ASAP1: variants seen among roughly 807,000 people sequenced by gnomAD.
ASAP1 encodes arf-GAP with SH3 domain, ANK repeat and PH domain-containing protein 1.
In ASAP1, 43 loss-of-function variants were observed where a neutral mutation model predicts 145.2. The observed-to-expected ratio is 0.30, with a 90% confidence interval of 0.23 to 0.38. The LOEUF (loss-of-function observed/expected upper bound fraction) is 0.38, where lower values mean the gene tolerates loss of function less well. Ranked by LOEUF, ASAP1 falls within the 10% of genes least tolerant of loss-of-function variation. ASAP1 has a pLI of 1.00. For missense variants in ASAP1, 1,018 were observed against 1,355.3 expected, an observed-to-expected ratio of 0.75 and a Z score of 3.91; for synonymous variants, 546 against 515.5, an observed-to-expected ratio of 1.06 and a Z score of -0.80.
At chr8:130,247,231 TG>T (rs11315329) in intron 3 of ASAP1, among the ~76,000 whole-genome samples, 44,674 of 152,030 alleles carry the variant, frequency 0.29, 6,622 homozygotes, top group Admixed American at 0.31. Context: ...AGTCTGATTT[TG>T]GTTCATTCTT....
chr8:130,225,675 T>C (rs985925316), intron 4 of ASAP1, among the ~76,000 whole-genome samples: 1 of 152,168 alleles, frequency 6.6e-6, no homozygotes, highest in Non-Finnish European at 1.5e-5. Flanking sequence ...GAGCAGAAAC[T>C]TGAAAAATGA....
chr8:130,236,028 G>A (rs1818193660), intron 4 of ASAP1, among the ~76,000 whole-genome samples: 2 of 152,038 alleles, frequency 1.3e-5, no homozygotes, highest in East Asian at 3.9e-4. Context: ...TCAAGAAGGA[G>A]AAATAACCAG....
intron 1 of ASAP1, among the ~76,000 whole-genome samples, chr8:130,435,159 T>G (rs1371007970): frequency 1.3e-5 from 2 of 152,140 alleles, no homozygotes; most frequent in Non-Finnish European, 1.5e-5. Flanking sequence ...TACCATCCCC[T>G]TTACGCAGGT....
chr8:130,169,103 TAAAA>T, intron 9 of ASAP1, 36 bp from the exon 10 acceptor site: 4 of 1,058,840 alleles, frequency 3.8e-6, no homozygotes, highest in Non-Finnish European at 5.2e-6. Flanking sequence ...ACCACCAGTA[TAAAA>T]AAAAAAGAGT....
At chr8:130,377,525 C>T (rs781287113) in intron 2 of ASAP1, among the ~76,000 whole-genome samples, 4 of 152,124 alleles carry the variant, frequency 2.6e-5, no homozygotes, top group Non-Finnish European at 5.9e-5. Flanking sequence ...TGCTGAGTAC[C>T]GGGATGTAAA....
In ASAP1 at chr8:130,358,959, G is replaced by A. The variant is rs904082429; in HGVS notation, c.60-816C>T. Among the ~76,000 whole-genome samples, 5 of 152,070 alleles carry A rather than the reference G, an allele frequency of 3.3e-5. No individual in the cohort carries two copies. Among genetic ancestry groups the A allele is most frequent in the African/African-American group, 9.7e-5 (4 of 41,432 alleles). On this transcript the variant is annotated intron_variant, in intron 2 of 29. Coordinates refer to ENST00000518721, the MANE Select transcript of ASAP1 (RefSeq NM_018482.4). The surrounding 1 kb of genome is among the most constrained non-coding windows in gnomAD (Gnocchi z 4.1). ...TCTTTTTTAGTCGCGTGTGGGTGCA[G>A]GAAGTGAGGCCCCGGGAGAGCCGCC...
At chr8:130,200,332 G>T (rs1019357577) in intron 5 of ASAP1, among the ~76,000 whole-genome samples, 2 of 152,132 alleles carry the variant, frequency 1.3e-5, no homozygotes, top group Non-Finnish European at 2.9e-5. Context: ...TGTGCCTCTG[G>T]GTTCTGCAGA....
intron 27 of ASAP1, among the ~76,000 whole-genome samples, chr8:130,062,845 A>C (rs551119852): frequency 6.6e-6 from 1 of 152,252 alleles, no homozygotes; most frequent in South Asian, 2.1e-4. Context: ...GTGGTGGTAC[A>C]TGCCTGCAGT....
intron 5 of ASAP1, among the ~76,000 whole-genome samples, chr8:130,198,608 T>C (rs1815668332): frequency 6.6e-6 from 1 of 152,208 alleles, no homozygotes; most frequent in Non-Finnish European, 1.5e-5. Flanking sequence ...ATCTAACATA[T>C]ATTATCTAAA....
At chr8:130,237,025 A>C in intron 3 of ASAP1, 31 bp from the exon 4 acceptor site, 1 of 1,483,608 alleles carries the variant, frequency 6.7e-7, no homozygotes, top group Non-Finnish European at 9.1e-7. Flanking sequence ...AAAAGATATT[A>C]GAAGATTTGG....
At chr8:130,136,841 C>T in intron 14 of ASAP1, 110 bp downstream of exon 14, 1 of 918,450 alleles carries the variant, frequency 1.1e-6, no homozygotes, top group South Asian at 1.4e-5. Context: ...ATAACTGTTC[C>T]AATGCCAACT....
At chr8:130,182,428 A>C (rs991966013) in intron 7 of ASAP1, among the ~76,000 whole-genome samples, 2 of 152,196 alleles carry the variant, frequency 1.3e-5, no homozygotes, top group Admixed American at 1.3e-4. Flanking sequence ...TAGCTTCCAA[A>C]ATGCCACCAT....
intron 11 of ASAP1, among the ~76,000 whole-genome samples, chr8:130,166,201 C>G (rs768369586): frequency 2.6e-5 from 4 of 152,090 alleles, no homozygotes; most frequent in Non-Finnish European, 5.9e-5. Flanking sequence ...TAGACACAGG[C>G]TCTTACTTTG....
intron 3 of ASAP1, among the ~76,000 whole-genome samples, chr8:130,304,322 T>C (rs958901084): frequency 3.3e-5 from 5 of 152,164 alleles, no homozygotes; most frequent in Admixed American, 1.3e-4. Flanking sequence ...TAAGTAGATA[T>C]GAACACCTAA....
intron 3 of ASAP1, among the ~76,000 whole-genome samples, chr8:130,307,445 C>G (rs757238474): frequency 6.6e-6 from 1 of 152,142 alleles, no homozygotes; most frequent in Admixed American, 6.5e-5. Flanking sequence ...GTCTAAGCCA[C>G]GCCAAGTAGA....
intron 24 of ASAP1, among the ~76,000 whole-genome samples, chr8:130,092,444 C>T (rs1251355873): frequency 2.0e-5 from 3 of 152,036 alleles, no homozygotes; most frequent in African/African-American, 7.2e-5. Context: ...CTGGGTAACA[C>T]AGCAAGACGC....
chr8:130,188,076 G>C lies in ASAP1; in HGVS notation c.480+33C>G, dbSNP rs767732645. The C allele has an allele frequency of 4.7e-6, 7 of 1,503,956 alleles. No homozygotes were observed. In the Admixed American group the frequency reaches 5.2e-5, roughly 11 times the overall value. The allele number at this position is 1,503,956 out of a possible 1,614,324, so 93.2% of individuals were successfully genotyped here. A position where few individuals can be genotyped will look rare whatever the true frequency, so the allele number is the denominator to read the frequency against. ...GGAAAAAAAAAATTAATCCTTTCAA[G>C]TTAAAGTGAAAATCAAATTTCTGAA... On this transcript the variant is annotated intron_variant, in intron 6 of 29. Transcript: ENST00000518721.
At chr8:130,286,900 AAGAT>A (rs1290483462) in intron 3 of ASAP1, among the ~76,000 whole-genome samples, 1 of 152,222 alleles carries the variant, frequency 6.6e-6, no homozygotes, top group Non-Finnish European at 1.5e-5. Context: ...TAAACAAGGT[AAGAT>A]ATGCTAATGG....
At chr8:130,091,802 T>C (rs2135420166) in intron 25 of ASAP1, among the ~76,000 whole-genome samples, 171 bp downstream of exon 25, 1 of 152,352 alleles carries the variant, frequency 6.6e-6, no homozygotes, top group South Asian at 2.1e-4. Context: ...TTTCAAAATG[T>C]TCCTTTCCCT....
Sources: gnomAD v4.1 joint callset for allele counts (sites outside exome capture counted in the v4.1 genomes callset) on GRCh38, gnomAD v4.1.1 for gene constraint, Gnocchi (gnomAD v3.1) non-coding constraint, MANE v1.5 for transcripts, NCBI Gene and HGNC (gene_info 2026-07-23, HGNC 2026-07-21) for gene names.